Variants in PRKG2 observed in about 807,000 individuals in gnomAD.
PRKG2 encodes protein kinase cGMP-dependent 2, also known as cGMP-dependent protein kinase 2.
A neutral mutation model predicts 97.2 loss-of-function variants in PRKG2; 33 were observed. The observed-to-expected ratio is 0.34, with a 90% CI of 0.26 to 0.45. The LOEUF is 0.45. Among genes scored for constraint, PRKG2 ranks in the 20% least tolerant of loss-of-function variants. The probability of loss-of-function intolerance (pLI) is 1.00; values close to 1 mark genes in which losing one functional copy is unlikely to be tolerated. For missense variants in PRKG2, 638 were observed against 900.0 expected, an observed-to-expected ratio of 0.71 and a Z score of 3.73; for synonymous variants, 330 against 321.8, an observed-to-expected ratio of 1.03 and a Z score of -0.27.
chr4:81,158,691 C>T (rs1749331371), intron 6 of PRKG2, among the ~76,000 whole-genome samples: 1 of 152,098 alleles, frequency 6.6e-6, no homozygotes, highest in Non-Finnish European at 1.5e-5. Context: ...TACCTGACTT[C>T]AAACTATACT....
chr4:81,179,397 C>T (rs1270293195), intron 2 of PRKG2, among the ~76,000 whole-genome samples: 3 of 152,160 alleles, frequency 2.0e-5, no homozygotes, highest in African/African-American at 7.2e-5. Flanking sequence ...CTTAAAAGCG[C>T]TTCAAAGAGC....
At chr4:81,167,667 G>A (rs77554309) in intron 5 of PRKG2, among the ~76,000 whole-genome samples, 16,582 of 152,028 alleles carry the variant, frequency 0.11, 1,103 homozygotes, top group Middle Eastern at 0.21. Flanking sequence ...GACTGAATCC[G>A]GGGTTGGGAG....
chr4:81,111,295 A>G (rs1220248268), intron 14 of PRKG2, among the ~76,000 whole-genome samples: 1 of 152,096 alleles, frequency 6.6e-6, no homozygotes, highest in Non-Finnish European at 1.5e-5. Context: ...TATTCGGAAA[A>G]CATACATTCA....
chr4:81,134,790 G>T (rs1375466611), intron 14 of PRKG2, among the ~76,000 whole-genome samples: 1 of 151,954 alleles, frequency 6.6e-6, no homozygotes, highest in African/African-American at 2.4e-5. Context: ...ATATCTTGGG[G>T]TAGAAATCAT....
chr4:81,203,717 CAT>C (rs1042610059), intron 2 of PRKG2, among the ~76,000 whole-genome samples: 22 of 151,364 alleles, frequency 1.5e-4, no homozygotes, highest in African/African-American at 7.4e-5. Flanking sequence ...CATACACACA[CAT>C]GTGTGCGCAC....
rs768386011 is a variant in PRKG2 at position 81,144,286 on chromosome 4, T to G, written c.1199A>C (p.Tyr400Ser). 3 of 1,612,562 alleles carry G rather than the reference T, an allele frequency of 1.9e-6. No individual in the cohort carries two copies. The highest frequency in any genetic ancestry group is 2.5e-6 in the Non-Finnish European group (3 of 1,178,710). ...CAGGTTTGCCACATATCCTTCAAGG[T>G]ATTTTTGCAGCTCTTCAAATGTACC... ...TVGTFEELQK[Y>S]LEGYVANLNR... The change falls in exon 10 of 19, where the codon TAC (tyrosine) becomes TCC (serine). Residue 400 changes from tyrosine (Y) to serine (S), a missense_variant. Tyr to Ser is a moderately radical substitution (Grantham distance 144, BLOSUM62 -2). Around this residue, in one of 3 missense-constraint regions of PRKG2, gnomAD observed 304 missense variants for 460.5 expected, o/e 0.66. Transcript: ENST00000264399.
chr4:81,112,222 A>T (rs1287834268), intron 14 of PRKG2, among the ~76,000 whole-genome samples: 1 of 152,072 alleles, frequency 6.6e-6, no homozygotes, highest in Non-Finnish European at 1.5e-5. Context: ...GCTTTTGCTG[A>T]TTTTTTCATC....
chr4:81,141,102 C>T (rs1235292183), intron 11 of PRKG2, among the ~76,000 whole-genome samples: 1 of 152,088 alleles, frequency 6.6e-6, no homozygotes, highest in African/African-American at 2.4e-5. Flanking sequence ...CCTTGACCTC[C>T]TGGGCTCAAG....
Position 81,171,743 on chromosome 4 carries a change from TGTG to T in PRKG2, c.687_689del (p.Thr230del). The T allele has an allele frequency of 6.2e-7, 1 of 1,611,774 alleles. No individual in the cohort carries two copies. The highest frequency in any genetic ancestry group is 8.5e-7 in the Non-Finnish European group (1 of 1,178,868). On this transcript the variant is annotated inframe_deletion, in exon 4 of 19. Transcript: ENST00000264399. ...TGTATAAAATGGCAAGCTCCCCAAA[TGTG>T]GTCCACATAGGGATGGAGGACAGCA... is the stretch of plus-strand genomic sequence containing the variant.
chr4:81,114,968 A>G (rs1744362273), intron 14 of PRKG2, among the ~76,000 whole-genome samples: 1 of 152,058 alleles, frequency 6.6e-6, no homozygotes, highest in Non-Finnish European at 1.5e-5. Context: ...TATACTCTAT[A>G]TAGTCCACTA....
At chr4:81,097,686 T>C (rs1742269354) in intron 17 of PRKG2, among the ~76,000 whole-genome samples, 1 of 152,200 alleles carries the variant, frequency 6.6e-6, no homozygotes, top group Non-Finnish European at 1.5e-5. Flanking sequence ...TCTGGATAAC[T>C]TGCTGGAGCT....
chr4:81,155,006 C>G (rs1748885733), intron 6 of PRKG2, among the ~76,000 whole-genome samples: 1 of 151,502 alleles, frequency 6.6e-6, no homozygotes, highest in Non-Finnish European at 1.5e-5. Context: ...AACCCCGTCT[C>G]TACTAAAAAT....
intron 2 of PRKG2, among the ~76,000 whole-genome samples, chr4:81,189,032 T>TA (rs1325686725): frequency 3.3e-4 from 8 of 24,056 alleles, no homozygotes; most frequent in East Asian, 1.3e-3. Context: ...ATAATAATAA[T>TA]AAAAAAAGAA....
Position 81,174,886 on chromosome 4 carries a change from C to T in PRKG2, c.535G>A (p.Asp179Asn), listed in dbSNP as rs754794041. 3 of 1,612,936 alleles carry T rather than the reference C, an allele frequency of 1.9e-6. No individual in the cohort carries two copies. Among genetic ancestry groups the T allele is most frequent in the Non-Finnish European group, 2.5e-6 (3 of 1,179,116 alleles). ...CTCCCATACATGCATTCCACCATGT[C>T]TTTGATCTGCTGAGGATCCAGTCTT... The part of the protein sequence containing the change: ...LKRLDPQQIK[D>N]MVECMYGRNY... Residue 179 changes from aspartate to asparagine, a missense_variant, in exon 3 of 19, where the codon GAC becomes AAC. Transcript: ENST00000264399.
At chr4:81,116,643 G>GT (rs1360099735) in intron 14 of PRKG2, among the ~76,000 whole-genome samples, 1 of 152,130 alleles carries the variant, frequency 6.6e-6, no homozygotes, top group Non-Finnish European at 1.5e-5. Context: ...CCTCAGCAGT[G>GT]TAAGTGTTCT....
At position 81,092,931 on chromosome 4, in the gene PRKG2, C is replaced by T. The variant is rs111331963; in HGVS notation, c.2127-479G>A. ...TTCACTCTACTAGCAAGGAACCAGC[C>T]GTACTTTTGTGCTGGAGATAACTTA... On this transcript the variant is annotated intron_variant, in intron 17 of 18. Transcript: ENST00000264399. Among the ~76,000 whole-genome samples, 868 of 152,200 alleles carry T rather than the reference C, an allele frequency of 5.7e-3. 6 individuals carry two copies. Among genetic ancestry groups the T allele is most frequent in the Middle Eastern group, 0.037 (11 of 294 alleles).
At chr4:81,110,972 T>A (rs1253657033) in intron 14 of PRKG2, among the ~76,000 whole-genome samples, 1 of 151,534 alleles carries the variant, frequency 6.6e-6, no homozygotes, top group Non-Finnish European at 1.5e-5. Flanking sequence ...ACTAAACAGA[T>A]GTTTAATTCA....
chr4:81,135,736 C>T (rs1002175692), intron 13 of PRKG2, among the ~76,000 whole-genome samples: 12 of 152,124 alleles, frequency 7.9e-5, no homozygotes, highest in African/African-American at 2.2e-4. Flanking sequence ...GAGTAACCCC[C>T]GTAAAAATGG....
intron 14 of PRKG2, among the ~76,000 whole-genome samples, chr4:81,116,345 T>A (rs1199495777): frequency 1.3e-5 from 2 of 152,208 alleles, no homozygotes; most frequent in Non-Finnish European, 2.9e-5. Flanking sequence ...TCCAACCATG[T>A]TGCTGCGAAG....
Sources: allele counts gnomAD v4.1 joint callset (sites outside exome capture counted in the v4.1 genomes callset), GRCh38; gene constraint gnomAD v4.1.1; regional missense constraint gnomAD v4.1.1; transcripts MANE v1.5; gene names NCBI Gene and HGNC (gene_info 2026-07-23, HGNC 2026-07-21).